SDK1: variants seen among roughly 807,000 people sequenced by gnomAD.
The protein encoded by SDK1 is protein sidekick-1.
SDK1 carries 157 observed loss-of-function variants against 245.5 expected under a neutral mutation model. The ratio of observed to expected loss-of-function variants is 0.64; its 90% confidence interval spans 0.56 to 0.73. The LOEUF is 0.73. Among genes scored for constraint, SDK1 ranks in the 30% least tolerant of loss-of-function variants. The pLI, the probability that SDK1 is intolerant of heterozygous loss-of-function variation, is 0.00. For synonymous variants in SDK1, 1,647 were observed against 1,278.5 expected (o/e 1.29, Z -6.15); for missense variants, 3,583 against 3,002.3 (o/e 1.19, Z -4.52).
At chr7:3,515,364 C>G (rs913485039) in intron 1 of SDK1, among the ~76,000 whole-genome samples, 56 of 152,122 alleles carry the variant, frequency 3.7e-4, no homozygotes, top group African/African-American at 1.2e-3. Context: ...TGGGAGGGCA[C>G]AAATTACATC....
chr7:3,388,426 G>A (rs1323616469), intron 1 of SDK1, among the ~76,000 whole-genome samples: 1 of 151,504 alleles, frequency 6.6e-6, no homozygotes, highest in East Asian at 1.9e-4. Context: ...GAAGAGACTG[G>A]GTCTCATTTT....
intron 5 of SDK1, among the ~76,000 whole-genome samples, chr7:3,873,619 G>A (rs1583499238): frequency 6.6e-6 from 1 of 152,008 alleles, no homozygotes; most frequent in Non-Finnish European, 1.5e-5. Context: ...GTGCTTGCAT[G>A]CTCCATTTAG....
chr7:3,534,377 C>T (rs989222732), intron 1 of SDK1, among the ~76,000 whole-genome samples: 1 of 152,140 alleles, frequency 6.6e-6, no homozygotes, highest in African/African-American at 2.4e-5. Context: ...TCTTTGACTT[C>T]TCAGTTCCTT....
chr7:3,884,858 GC>G (rs1378109823), intron 5 of SDK1, among the ~76,000 whole-genome samples: 1 of 152,236 alleles, frequency 6.6e-6, no homozygotes, highest in Non-Finnish European at 1.5e-5. Context: ...AGCTGATGGG[GC>G]CTTCTCTGCT....
chr7:4,060,172 C>T (rs942821494), intron 19 of SDK1, among the ~76,000 whole-genome samples: 7 of 152,182 alleles, frequency 4.6e-5, no homozygotes, highest in African/African-American at 7.2e-5. Context: ...TGAGCCACCA[C>T]GCCCGGCCAG....
chr7:3,622,980 G>A (rs1781990988), intron 2 of SDK1, among the ~76,000 whole-genome samples: 1 of 151,370 alleles, frequency 6.6e-6, no homozygotes, highest in South Asian at 2.1e-4. Flanking sequence ...CTTCCTTCCA[G>A]TAAGCATGTT....
chr7:3,490,883 A>C (rs546066555), intron 1 of SDK1, among the ~76,000 whole-genome samples: 2 of 152,294 alleles, frequency 1.3e-5, no homozygotes, highest in East Asian at 3.9e-4. Context: ...GACAGGGAGA[A>C]TGATAGATTT....
chr7:4,169,475 G>A (rs1238678043), intron 32 of SDK1, among the ~76,000 whole-genome samples: 1 of 152,176 alleles, frequency 6.6e-6, no homozygotes, highest in Non-Finnish European at 1.5e-5. Context: ...CTCATCAAAA[G>A]CCGCCTCCTC....
Position 4,265,161 on chromosome 7 carries a change from A to T in SDK1, c.6419A>T (p.His2140Leu). Residue 2140 changes from histidine to leucine, a missense_variant, in exon 45 of 45, where the codon CAC becomes CTC. Physicochemically the swap from His to Leu is moderately conservative, Grantham distance 99. Transcript: ENST00000404826. ...GACTACGAGGACGCGCTGCCCAAGC[A>T]CTCCTTCGTGAACCACTACATGAGC... is the stretch of plus-strand genomic sequence containing the variant. The part of the protein sequence containing the change: ...DSDYEDALPK[H>L]SFVNHYMSDP... 1 of 1,612,378 alleles carries T rather than the reference A, an allele frequency of 6.2e-7. No individual in the cohort carries two copies. Among genetic ancestry groups the T allele is most frequent in the Non-Finnish European group, 8.5e-7 (1 of 1,179,624 alleles).
chr7:3,475,137 G>A (rs960598108), intron 1 of SDK1, among the ~76,000 whole-genome samples: 1 of 152,084 alleles, frequency 6.6e-6, no homozygotes, highest in Non-Finnish European at 1.5e-5. Context: ...CCTTCCCCTT[G>A]TTCCATTCTC....
At chr7:3,845,319 GTC>G (rs1373446963) in intron 5 of SDK1, among the ~76,000 whole-genome samples, 2 of 151,914 alleles carry the variant, frequency 1.3e-5, no homozygotes, top group Non-Finnish European at 2.9e-5. Flanking sequence ...GGGAAACCCT[GTC>G]TCTACTAAAA....
intron 8 of SDK1, among the ~76,000 whole-genome samples, chr7:3,962,072 C>T (rs1479199014): frequency 6.6e-6 from 1 of 152,168 alleles, no homozygotes; most frequent in Non-Finnish European, 1.5e-5. Flanking sequence ...CTCGCATGAA[C>T]ACATGCACAT....
chr7:3,964,383 C>T (rs954927196), intron 9 of SDK1, among the ~76,000 whole-genome samples: 1 of 152,242 alleles, frequency 6.6e-6, no homozygotes, highest in Non-Finnish European at 1.5e-5. Flanking sequence ...GTAGAAAAAA[C>T]TCCCTTATTT....
At chr7:3,681,451 T>C (rs898245360) in intron 4 of SDK1, among the ~76,000 whole-genome samples, 3 of 152,222 alleles carry the variant, frequency 2.0e-5, no homozygotes, top group African/African-American at 4.8e-5. Flanking sequence ...TGGACATCTT[T>C]CTGTTGAGTT....
At chr7:3,687,093 A>ACG (rs1293448407) in intron 4 of SDK1, among the ~76,000 whole-genome samples, 2 of 142,084 alleles carry the variant, frequency 1.4e-5, no homozygotes, top group Non-Finnish European at 3.0e-5. Flanking sequence ...ACACACACAC[A>ACG]CACACACCAC....
intron 1 of SDK1, among the ~76,000 whole-genome samples, chr7:3,516,737 C>G (rs577284975): frequency 1.3e-5 from 2 of 152,104 alleles, no homozygotes; most frequent in African/African-American, 2.4e-5. Flanking sequence ...GTGAAGAACT[C>G]TATTGTTTGA....
chr7:4,245,343 A>G (rs1266832419), intron 43 of SDK1, among the ~76,000 whole-genome samples: 6 of 152,106 alleles, frequency 3.9e-5, no homozygotes, highest in Non-Finnish European at 8.8e-5. Flanking sequence ...GCATCTGGCA[A>G]GCACCTAAGC....
intron 38 of SDK1, among the ~76,000 whole-genome samples, chr7:4,218,254 A>G (rs1482959532): frequency 6.6e-6 from 1 of 152,164 alleles, no homozygotes; most frequent in Non-Finnish European, 1.5e-5. Context: ...TTAGCCAGGC[A>G]TGGTGGCATG....
intron 4 of SDK1, among the ~76,000 whole-genome samples, chr7:3,744,101 G>T (rs1234564104): frequency 6.6e-6 from 1 of 152,016 alleles, no homozygotes; most frequent in African/African-American, 2.4e-5. Flanking sequence ...TCCTGCCTCA[G>T]GATCCTTCCG....
Sources: gnomAD v4.1 joint callset for allele counts (sites outside exome capture counted in the v4.1 genomes callset) on GRCh38, gnomAD v4.1.1 for gene constraint, MANE v1.5 for transcripts, NCBI Gene and HGNC (gene_info 2026-07-23, HGNC 2026-07-21) for gene names.